DTHD1: variants seen among roughly 807,000 people sequenced by gnomAD.
DTHD1 encodes death domain-containing protein 1.
Under a neutral mutation model 74.8 loss-of-function variants are expected in DTHD1, and 59 were observed. The observed-to-expected ratio is 0.79, with a 90% confidence interval of 0.64 to 0.98. The LOEUF is 0.98. Among genes scored for constraint, DTHD1 ranks in the 50% least tolerant of loss-of-function variants. The pLI is 0.00. For synonymous variants in DTHD1, 365 were observed against 371.1 expected, an observed-to-expected ratio of 0.98 and a Z score of 0.19; for missense variants, 1,051 against 1,065.4, an observed-to-expected ratio of 0.99 and a Z score of 0.19.
intron 5 of DTHD1, among the ~76,000 whole-genome samples, chr4:36,295,732 C>A (rs1238663675): frequency 6.6e-6 from 1 of 151,648 alleles, no homozygotes; most frequent in Non-Finnish European, 1.5e-5. Flanking sequence ...AACATAATTG[C>A]CAAGAAACAC....
At chr4:36,290,041 T>C (rs898008114) in intron 2 of DTHD1, among the ~76,000 whole-genome samples, 5 of 152,200 alleles carry the variant, frequency 3.3e-5, no homozygotes, top group Non-Finnish European at 2.9e-5. Flanking sequence ...TGTGGAATAA[T>C]CAATTGCTTA....
Position 36,345,399 on chromosome 4 carries a change from C to T in DTHD1, c.*1575C>T, listed in dbSNP as rs2109592987. On this transcript the variant is annotated 3_prime_UTR_variant, in exon 10 of 10. Transcript: ENST00000639862. ...CTCATTAATGCAAAAACCATTAGGT[C>T]GTTGGCTTGAAAACATCGGTAGCAA... 1 of 152,224 alleles carries T rather than the reference C, an allele frequency of 6.6e-6. No individual in the cohort carries two copies. Among genetic ancestry groups the T allele is most frequent in the Admixed American group, 6.5e-5 (1 of 15,286 alleles). 9.4% of individuals were successfully genotyped at this position (152,224 alleles called of 1,614,324 possible). A position where few individuals can be genotyped will look rare whatever the true frequency, so the allele number is the denominator to read the frequency against.
chr4:36,316,756 C>A (rs2109523138), intron 8 of DTHD1, among the ~76,000 whole-genome samples: 1 of 152,250 alleles, frequency 6.6e-6, no homozygotes, highest in East Asian at 1.9e-4. Flanking sequence ...TAATGTCATT[C>A]ATTTTCTGTA....
chr4:36,294,346 T>G (rs2109463010), intron 4 of DTHD1, among the ~76,000 whole-genome samples: 1 of 152,034 alleles, frequency 6.6e-6, no homozygotes, highest in Middle Eastern at 3.4e-3. Flanking sequence ...AATATCTTAT[T>G]TATAGATATT....
In DTHD1 at chr4:36,290,485, T is replaced by C; in HGVS notation, c.1000T>C (p.Leu334=). 1 of 1,551,766 alleles carries C rather than the reference T, an allele frequency of 6.4e-7. No homozygotes were observed. Among genetic ancestry groups the C allele is most frequent in the African/African-American group, 1.4e-5 (1 of 73,168 alleles). ...CCGGATAATAAATCACATGAGTTCT[T>C]TAATAGTGGGTGATAATGAAGAGTT... The part of the protein sequence containing the change: ...ECRIINHMSS[L]IVGDNEELVS... Residue 334 remains leucine, a synonymous_variant, in exon 3 of 10, where the codon TTA becomes CTA. Coordinates refer to ENST00000639862, the MANE Select transcript of DTHD1 (RefSeq NM_001170700.3).
intron 8 of DTHD1, among the ~76,000 whole-genome samples, chr4:36,337,777 A>G (rs1425360558): frequency 6.6e-6 from 1 of 152,230 alleles, no homozygotes; most frequent in African/African-American, 2.4e-5. Flanking sequence ...CTTGTATTAG[A>G]GTGCTCAGTG....
intron 6 of DTHD1, among the ~76,000 whole-genome samples, chr4:36,307,875 A>G (rs918759897): frequency 1.3e-5 from 2 of 151,722 alleles, no homozygotes; most frequent in African/African-American, 2.4e-5. Flanking sequence ...TTCTTTTTTT[A>G]TTTATTTCTT....
At chr4:36,334,797 T>C (rs1017348302) in intron 8 of DTHD1, among the ~76,000 whole-genome samples, 1 of 152,224 alleles carries the variant, frequency 6.6e-6, no homozygotes, top group East Asian at 1.9e-4. Context: ...GTAATCTTCA[T>C]GGATACATAA....
chr4:36,314,503 C>T (rs1490802025), intron 7 of DTHD1, among the ~76,000 whole-genome samples: 3 of 137,952 alleles, frequency 2.2e-5, no homozygotes, highest in Admixed American at 7.5e-5. Context: ...GGTAAAACCC[C>T]GTCTCTACAA....
intron 5 of DTHD1, among the ~76,000 whole-genome samples, chr4:36,305,763 C>G (rs1757007044): frequency 6.6e-6 from 1 of 152,158 alleles, no homozygotes; most frequent in African/African-American, 2.4e-5. Flanking sequence ...TACAACCACT[C>G]TTTGCTATTC....
chr4:36,288,027 TTG>T (rs1200077391), intron 2 of DTHD1, among the ~76,000 whole-genome samples: 5 of 152,324 alleles, frequency 3.3e-5, no homozygotes, highest in African/African-American at 1.2e-4. Context: ...GCATTTGCTT[TTG>T]GGTTCTTGGT....
chr4:36,337,455 A>G (rs1201819719), intron 8 of DTHD1, among the ~76,000 whole-genome samples: 1 of 152,216 alleles, frequency 6.6e-6, no homozygotes, highest in Non-Finnish European at 1.5e-5. Flanking sequence ...TACTACTGAT[A>G]TAAAGAAAAG....
chr4:36,295,939 A>C (rs1248491596), intron 5 of DTHD1, among the ~76,000 whole-genome samples: 1 of 152,110 alleles, frequency 6.6e-6, no homozygotes, highest in East Asian at 1.9e-4. Flanking sequence ...GGCCTAGGTG[A>C]ATTTGATTTT....
intron 5 of DTHD1, among the ~76,000 whole-genome samples, chr4:36,305,283 A>G (rs1465205920): frequency 1.3e-5 from 2 of 152,220 alleles, no homozygotes; most frequent in African/African-American, 2.4e-5. Flanking sequence ...TGGATAATTT[A>G]TAAAGAAAAA....
rs563715833 is a variant in DTHD1 at position 36,316,616 on chromosome 4, A to C, written c.2340+130A>C. 3.2e-5 allele frequency: 29 copies of C among 911,176 alleles called. No individual in the cohort carries two copies. The Admixed American group carries it at 3.6e-4, about 11-fold the overall frequency. 56.4% of individuals were successfully genotyped at this position (911,176 alleles called of 1,614,324 possible). On this transcript the variant is annotated intron_variant, in intron 8 of 9. Coordinates refer to ENST00000639862, the MANE Select transcript of DTHD1 (RefSeq NM_001170700.3). ...GTAAGAATAGAGGTAATAAAGAAGG[A>C]GTAGGTAGGTCCAATTTTAGAGTAT...
intron 5 of DTHD1, among the ~76,000 whole-genome samples, chr4:36,305,112 C>G (rs747817261): frequency 1.3e-5 from 2 of 152,142 alleles, no homozygotes; most frequent in African/African-American, 2.4e-5. Flanking sequence ...TACAAGAAAG[C>G]AAATTGGCTG....
At chr4:36,307,872 T>C (rs1221987271) in intron 6 of DTHD1, among the ~76,000 whole-genome samples, 1 of 152,218 alleles carries the variant, frequency 6.6e-6, no homozygotes. Flanking sequence ...GGTTTCTTTT[T>C]TTATTTATTT....
chr4:36,330,017 T>G (rs1050441321), intron 8 of DTHD1, among the ~76,000 whole-genome samples: 2 of 152,250 alleles, frequency 1.3e-5, no homozygotes, highest in African/African-American at 2.4e-5. Context: ...TAAAACTATA[T>G]TAAGTAATAA....
chr4:36,309,944 A>G (rs907306142), intron 7 of DTHD1, among the ~76,000 whole-genome samples: 3 of 152,224 alleles, frequency 2.0e-5, no homozygotes, highest in Admixed American at 2.0e-4. Context: ...TTATAAGAAC[A>G]TGCAGTATTA....
Sources: gnomAD v4.1 joint callset for allele counts (sites outside exome capture counted in the v4.1 genomes callset) on GRCh38, gnomAD v4.1.1 for gene constraint, MANE v1.5 for transcripts, NCBI Gene and HGNC (gene_info 2026-07-23, HGNC 2026-07-21) for gene names.